NCK1: variants seen among roughly 807,000 people sequenced by gnomAD.
NCK1 encodes NCK adaptor protein 1, also known as SH2/SH3 adapter protein NCK1.
NCK1 carries 19 observed loss-of-function variants against 36.6 expected under a neutral mutation model. That is an observed-to-expected ratio of 0.52 (90% CI 0.36 to 0.76). NCK1 has a LOEUF of 0.76. Ranked by LOEUF, NCK1 falls within the 30% of genes least tolerant of loss-of-function variation. The pLI is 0.00. For missense variants in NCK1, 358 were observed against 445.6 expected (o/e 0.80, Z 1.77); for synonymous variants, 165 against 156.0 (o/e 1.06, Z -0.43).
chr3:136,911,811 T>C (rs951817502), intron 1 of NCK1, among the ~76,000 whole-genome samples: 5 of 152,310 alleles, frequency 3.3e-5, no homozygotes, highest in Admixed American at 3.3e-4. Context: ...AAAGTCATAA[T>C]TTTTCCCTCA....
chr3:136,925,277 A>G (rs1940208669), intron 1 of NCK1, among the ~76,000 whole-genome samples: 2 of 152,164 alleles, frequency 1.3e-5, no homozygotes, highest in African/African-American at 4.8e-5. Flanking sequence ...AAAGATATTC[A>G]GGATCTTTTG....
At chr3:136,875,356 G>A (rs1938736990) in intron 1 of NCK1, among the ~76,000 whole-genome samples, 2 of 152,008 alleles carry the variant, frequency 1.3e-5, no homozygotes, top group Admixed American at 6.6e-5. Flanking sequence ...TTTCCTAATT[G>A]AATACCCTTT....
intron 1 of NCK1, among the ~76,000 whole-genome samples, chr3:136,925,057 T>G (rs1940204404): frequency 6.6e-6 from 1 of 152,202 alleles, no homozygotes; most frequent in Non-Finnish European, 1.5e-5. Flanking sequence ...AGGTATAGGA[T>G]TCATTATACT....
At chr3:136,942,875 G>GA (rs558146936) in intron 2 of NCK1, among the ~76,000 whole-genome samples, 84 of 152,332 alleles carry the variant, frequency 5.5e-4, no homozygotes, top group Non-Finnish European at 1.0e-3. Flanking sequence ...GCCTGGGAAT[G>GA]ATTCAAGTCA....
At chr3:136,867,172 CCTTCCTTCT>C (rs1334080862) in intron 1 of NCK1, among the ~76,000 whole-genome samples, 3 of 41,018 alleles carry the variant, frequency 7.3e-5, no homozygotes, top group African/African-American at 2.5e-4. Context: ...TTCCTTCCTT[CCTTCCTTCT>C]TTCTTTCTTT....
chr3:136,949,714 A>G lies in NCK1; in HGVS notation c.*1261A>G, dbSNP rs993754294. Reference sequence around the variant, plus strand: ...GCCACATAACTGAGTAGGATGTCGTATGATACTTTCAACAAATTCCCTAAT... The same window carrying G: ...GCCACATAACTGAGTAGGATGTCGTGTGATACTTTCAACAAATTCCCTAAT... On this transcript the variant is annotated 3_prime_UTR_variant, in exon 4 of 4. Transcript: ENST00000481752. The G allele has an allele frequency of 6.6e-6, 1 of 152,024 alleles. No homozygotes were observed. The highest frequency in any genetic ancestry group is 2.4e-5 in the African/African-American group (1 of 41,438). The allele number at this position is 152,024 out of a possible 1,614,324, so 9.4% of individuals were successfully genotyped here.
chr3:136,892,947 T>C (rs1939287813), intron 1 of NCK1, among the ~76,000 whole-genome samples: 1 of 151,816 alleles, frequency 6.6e-6, no homozygotes, highest in African/African-American at 2.4e-5. Context: ...ATGTGTAGTC[T>C]TTTATCCCTC....
At chr3:136,881,935 A>G (rs1268426213) in intron 1 of NCK1, among the ~76,000 whole-genome samples, 1 of 152,234 alleles carries the variant, frequency 6.6e-6, no homozygotes, top group African/African-American at 2.4e-5. Flanking sequence ...GTTGATGAAC[A>G]GCTTGGGTTG....
chr3:136,874,228 T>C (rs1938704278), intron 1 of NCK1, among the ~76,000 whole-genome samples: 3 of 152,202 alleles, frequency 2.0e-5, no homozygotes, highest in African/African-American at 7.2e-5. Context: ...CAGGCTGGAG[T>C]GCAGTGGTGC....
chr3:136,918,102 G>T (rs1214550284), intron 1 of NCK1, among the ~76,000 whole-genome samples: 5 of 152,172 alleles, frequency 3.3e-5, no homozygotes, highest in Admixed American at 3.3e-4. Context: ...TTTATGTGGA[G>T]CATTCTGGGA....
intron 3 of NCK1, among the ~76,000 whole-genome samples, 168 bp from the exon 4 acceptor site, chr3:136,948,091 T>C (rs1940874930): frequency 6.6e-6 from 1 of 152,136 alleles, no homozygotes; most frequent in Non-Finnish European, 1.5e-5. Context: ...TTTTCACATG[T>C]GTAAAAAGGG....
At chr3:136,886,568 G>A (rs1939079377) in intron 1 of NCK1, among the ~76,000 whole-genome samples, 2 of 151,942 alleles carry the variant, frequency 1.3e-5, no homozygotes, top group East Asian at 1.9e-4. Context: ...TTAAATCCAC[G>A]GCTGGTTGAA....
At chr3:136,876,446 A>G (rs1454303921) in intron 1 of NCK1, among the ~76,000 whole-genome samples, 1 of 152,150 alleles carries the variant, frequency 6.6e-6, no homozygotes. Context: ...AAATAGACAC[A>G]ATAAAAAATG....
chr3:136,876,006 A>G (rs1938755826), intron 1 of NCK1, among the ~76,000 whole-genome samples: 1 of 152,016 alleles, frequency 6.6e-6, no homozygotes, highest in Non-Finnish European at 1.5e-5. Flanking sequence ...ATCTCACTCA[A>G]AACCGCTCAA....
rs1396827732 is a variant in NCK1, at chr3:136,949,754, T to C, written c.*1301T>C. On this transcript the variant is annotated 3_prime_UTR_variant, in exon 4 of 4. Coordinates refer to ENST00000481752, the MANE Select transcript of NCK1 (RefSeq NM_001291999.2). ...AATTCCCTAATGCTGCCTAAGCATATGGATGTTTTAATTCTTTGCTGTTAT... is the reference window on the plus strand; with the variant it reads ...AATTCCCTAATGCTGCCTAAGCATACGGATGTTTTAATTCTTTGCTGTTAT... 6.6e-6 allele frequency: 1 copy of C among 152,066 alleles called. No individual in the cohort carries two copies. The highest frequency in any genetic ancestry group is 1.5e-5 in the Non-Finnish European group (1 of 67,906). 9.4% of individuals were successfully genotyped at this position (152,066 alleles called of 1,614,324 possible).
At chr3:136,926,181 GTTTC>G (rs1273871805) in intron 1 of NCK1, among the ~76,000 whole-genome samples, 1 of 148,886 alleles carries the variant, frequency 6.7e-6, no homozygotes, top group East Asian at 2.0e-4. Flanking sequence ...TTTTTCTAAT[GTTTC>G]TTTAACTTTT....
rs1940921618 is a variant in NCK1, at chr3:136,949,608, G to A, written c.*1155G>A. The A allele has an allele frequency of 6.6e-6, 1 of 151,944 alleles. No homozygotes were observed. Among genetic ancestry groups the A allele is most frequent in the Non-Finnish European group, 1.5e-5 (1 of 67,884 alleles). 9.4% of individuals were successfully genotyped at this position (151,944 alleles called of 1,614,324 possible). Reference sequence around the variant, plus strand: ...AGAAGAAAACCAGTTGTATTTTATGGTCATAATTTGTCCCCCTATTATTCT... The same window carrying A: ...AGAAGAAAACCAGTTGTATTTTATGATCATAATTTGTCCCCCTATTATTCT... On this transcript the variant is annotated 3_prime_UTR_variant, in exon 4 of 4. Coordinates refer to ENST00000481752, the MANE Select transcript of NCK1 (RefSeq NM_001291999.2).
chr3:136,890,876 A>G (rs1227254008), intron 1 of NCK1, among the ~76,000 whole-genome samples: 1 of 152,190 alleles, frequency 6.6e-6, no homozygotes. Flanking sequence ...CCATTAAACA[A>G]CAACTCCCAA....
chr3:136,909,594 C>G (rs954410021), intron 1 of NCK1, among the ~76,000 whole-genome samples: 4 of 152,162 alleles, frequency 2.6e-5, no homozygotes, highest in Admixed American at 2.6e-4. Context: ...ATAGTGTTCT[C>G]TGATACAGCT....
Sources: allele counts gnomAD v4.1 joint callset (sites outside exome capture counted in the v4.1 genomes callset), GRCh38; gene constraint gnomAD v4.1.1; transcripts MANE v1.5; gene names NCBI Gene and HGNC (gene_info 2026-07-23, HGNC 2026-07-21).